The following STXBP5L variants were observed in gnomAD, a reference collection of about 807,000 sequenced individuals.
The protein encoded by STXBP5L is syntaxin-binding protein 5-like.
In STXBP5L, 65 loss-of-function variants were observed where a neutral mutation model predicts 144.5. The observed-to-expected ratio is 0.45, with a 90% CI of 0.37 to 0.55. The LOEUF (loss-of-function observed/expected upper bound fraction) is 0.55, where lower values mean the gene tolerates loss of function less well. Among genes scored for constraint, STXBP5L ranks in the 20% least tolerant of loss-of-function variants. The pLI, the probability that STXBP5L is intolerant of heterozygous loss-of-function variation, is 0.00. For synonymous variants in STXBP5L, 505 were observed against 469.6 expected (o/e 1.08, Z -0.97); for missense variants, 1,298 against 1,405.5 (o/e 0.92, Z 1.22).
chr3:121,016,588 G>A (rs928893806), intron 3 of STXBP5L, among the ~76,000 whole-genome samples: 1 of 152,128 alleles, frequency 6.6e-6, no homozygotes, highest in South Asian at 2.1e-4. Flanking sequence ...GGGGTGGGCT[G>A]GTGAATAGAA....
chr3:121,105,551 A>G (rs2043660780), intron 5 of STXBP5L, among the ~76,000 whole-genome samples: 1 of 152,314 alleles, frequency 6.6e-6, no homozygotes, highest in South Asian at 2.1e-4. Context: ...AAAAATAAAA[A>G]GAATAGGCGT....
At chr3:121,313,643 G>A (rs1237508680) in intron 19 of STXBP5L, among the ~76,000 whole-genome samples, 1 of 82,542 alleles carries the variant, frequency 1.2e-5, no homozygotes, top group Non-Finnish European at 2.5e-5. Context: ...GGGGCGGCTG[G>A]CCGGGCAGAG....
intron 7 of STXBP5L, among the ~76,000 whole-genome samples, chr3:121,148,616 T>G (rs892052872): frequency 1.3e-5 from 2 of 152,106 alleles, no homozygotes; most frequent in Non-Finnish European, 2.9e-5. Context: ...TGTACAGCTA[T>G]TCACAATATT....
At chr3:121,160,571 G>T (rs962980894) in intron 9 of STXBP5L, among the ~76,000 whole-genome samples, 1 of 152,100 alleles carries the variant, frequency 6.6e-6, no homozygotes, top group Non-Finnish European at 1.5e-5. Context: ...TTATATAACA[G>T]ACTTAAGCAT....
intron 18 of STXBP5L, among the ~76,000 whole-genome samples, chr3:121,266,098 A>C (rs571835155): frequency 7.7e-4 from 117 of 152,356 alleles, no homozygotes; most frequent in African/African-American, 2.7e-3. Context: ...AAACAATAGA[A>C]AAAGAGGGAT....
At chr3:120,928,891 A>G (rs1329201742) in intron 2 of STXBP5L, among the ~76,000 whole-genome samples, 1 of 152,170 alleles carries the variant, frequency 6.6e-6, no homozygotes, top group African/African-American at 2.4e-5. Flanking sequence ...GGAAATTAAC[A>G]AAGACCACCC....
intron 20 of STXBP5L, among the ~76,000 whole-genome samples, chr3:121,346,171 T>A (rs1265057014): frequency 6.6e-5 from 10 of 150,750 alleles, no homozygotes; most frequent in African/African-American, 2.4e-4. Flanking sequence ...GTTCTCATTG[T>A]TCAATTCCCA....
chr3:121,165,563 A>C (rs78362723), intron 9 of STXBP5L, among the ~76,000 whole-genome samples: 1 of 152,198 alleles, frequency 6.6e-6, no homozygotes, highest in Non-Finnish European at 1.5e-5. Context: ...GTTGTAGGAA[A>C]AACTGGTTCT....
chr3:121,035,487 T>C (rs143046309), intron 3 of STXBP5L, among the ~76,000 whole-genome samples: 21 of 152,278 alleles, frequency 1.4e-4, no homozygotes, highest in African/African-American at 4.8e-4. Flanking sequence ...AGTGTATGTT[T>C]TCATTGACTT....
chr3:121,301,447 T>A (rs1226301306), intron 19 of STXBP5L, among the ~76,000 whole-genome samples: 1 of 152,220 alleles, frequency 6.6e-6, no homozygotes, highest in Non-Finnish European at 1.5e-5. Context: ...GATTTTGGGC[T>A]GAGATGATGG....
Position 121,214,199 on chromosome 3 carries a change from C to G in STXBP5L, c.956+8198C>G, listed in dbSNP as rs139193612. Among the ~76,000 whole-genome samples, 40 of 152,258 alleles carry G rather than the reference C, an allele frequency of 2.6e-4. No homozygotes were observed. In the East Asian group the frequency reaches 6.0e-3, roughly 23 times the overall value. ...TTTTTTTGAAGGGTTTTTCATGTCT[C>G]TATCTCCTTCAGTTGCACTGTGATC... On this transcript the variant is annotated intron_variant, in intron 10 of 26. Coordinates refer to ENST00000471454, the MANE Select transcript of STXBP5L (RefSeq NM_001308330.2).
At chr3:121,104,153 C>A (rs1369542969) in intron 5 of STXBP5L, among the ~76,000 whole-genome samples, 1 of 152,092 alleles carries the variant, frequency 6.6e-6, no homozygotes, top group Non-Finnish European at 1.5e-5. Flanking sequence ...ATATATTTTT[C>A]TTGCCTGATC....
At chr3:121,242,609 T>C (rs1202950194) in intron 14 of STXBP5L, among the ~76,000 whole-genome samples, 1 of 152,066 alleles carries the variant, frequency 6.6e-6, no homozygotes, top group East Asian at 1.9e-4. Context: ...AAAAATTATA[T>C]GGTATACTGA....
At chr3:121,054,826 T>G (rs1341572471) in intron 5 of STXBP5L, among the ~76,000 whole-genome samples, 1 of 152,190 alleles carries the variant, frequency 6.6e-6, no homozygotes, top group Non-Finnish European at 1.5e-5. Context: ...CATATTGATT[T>G]TATCTTTCTC....
chr3:121,062,521 G>T (rs2041333737), intron 5 of STXBP5L, among the ~76,000 whole-genome samples: 1 of 152,212 alleles, frequency 6.6e-6, no homozygotes, highest in Non-Finnish European at 1.5e-5. Flanking sequence ...GGTATTCTGT[G>T]TATTTCCTGA....
At chr3:121,082,297 A>T (rs74679947) in intron 5 of STXBP5L, among the ~76,000 whole-genome samples, 15,009 of 150,408 alleles carry the variant, frequency 0.1, 1,149 homozygotes, top group Admixed American at 0.2. Flanking sequence ...TTCTTTCATC[A>T]TTTTTTTTTG....
At chr3:121,369,094 C>T (rs1464488108) in intron 20 of STXBP5L, among the ~76,000 whole-genome samples, 1 of 152,190 alleles carries the variant, frequency 6.6e-6, no homozygotes, top group Non-Finnish European at 1.5e-5. Context: ...TGTATGCAAA[C>T]TGTTCCAGGA....
intron 3 of STXBP5L, among the ~76,000 whole-genome samples, chr3:121,016,747 T>C (rs1945175833): frequency 6.6e-6 from 1 of 152,204 alleles, no homozygotes; most frequent in Non-Finnish European, 1.5e-5. Flanking sequence ...GACAGATAGA[T>C]AATCTGAATA....
chr3:121,157,469 T>C, intron 8 of STXBP5L, 35 bp from the exon 9 acceptor site: 1 of 1,539,874 alleles, frequency 6.5e-7, no homozygotes, highest in African/African-American at 1.4e-5. Context: ...TCTACTTTTT[T>C]CCCCCTCTAC....
Sources: gnomAD v4.1 joint callset for allele counts (sites outside exome capture counted in the v4.1 genomes callset) on GRCh38, gnomAD v4.1.1 for gene constraint, MANE v1.5 for transcripts, NCBI Gene and HGNC (gene_info 2026-07-23, HGNC 2026-07-21) for gene names.